TENM1: variants seen among roughly 807,000 people sequenced by gnomAD.
TENM1 encodes the protein teneurin transmembrane protein 1, also known as teneurin-1.
Under a neutral mutation model 174.8 loss-of-function variants are expected in TENM1, and 35 were observed. The ratio of observed to expected loss-of-function variants is 0.20; its 90% CI spans 0.15 to 0.27. The LOEUF (loss-of-function observed/expected upper bound fraction) is 0.27, where lower values mean the gene tolerates loss of function less well. TENM1 is among the 10% of genes least tolerant of loss of function. TENM1 has a pLI of 1.00. For missense variants in TENM1, 1,633 were observed against 2,130.1 expected (o/e 0.77, Z 4.59); for synonymous variants, 781 against 798.7 (o/e 0.98, Z 0.37).
intron 3 of TENM1, among the ~76,000 whole-genome samples, chrX:124,757,213 C>G (rs2054279121): frequency 8.9e-6 from 1 of 112,610 alleles, no homozygotes; most frequent in East Asian, 2.8e-4. Flanking sequence ...GCCCCTCCCC[C>G]AGCCTCGCTG....
At chrX:125,025,535 T>A in the TENM1 span, among the ~76,000 whole-genome samples, 3 of 111,364 alleles carry the variant, frequency 2.7e-5, no homozygotes, top group African/African-American at 9.8e-5. Flanking sequence ...GCATGCTGGG[T>A]TCTGAGTTCA....
chrX:124,966,206 T>C (rs931167513), upstream of TENM1, among the ~76,000 whole-genome samples: 3 of 111,614 alleles, frequency 2.7e-5, no homozygotes, highest in Admixed American at 9.5e-5. Flanking sequence ...CCTTCTTACA[T>C]TACTGCCCTC....
exon 22 of TENM1, chrX:124,481,914 G>A: frequency 8.3e-7 from 1 of 1,205,114 alleles, no homozygotes; most frequent in Non-Finnish European, 1.1e-6. Context: ...TAGATAGAGT[G>A]ATTCAGACAC....
At chrX:124,693,014 AAAAAAAAAAAG>A (rs1478745800) in intron 5 of TENM1, among the ~76,000 whole-genome samples, 10 of 106,543 alleles carry the variant, frequency 9.4e-5, no homozygotes, top group Admixed American at 3.1e-4. Context: ...ATCTCAAAAA[AAAAAAAAAAAG>A]AAAAAAAAAA....
chrX:124,384,786 T>C, exon 30 of TENM1: 1 of 1,211,222 alleles, frequency 8.3e-7, no homozygotes, highest in Non-Finnish European at 1.1e-6. Context: ...TTGTTGTAGC[T>C]GTAGTCGAAC....
chrX:125,191,726 A>G, the TENM1 span, among the ~76,000 whole-genome samples: 1 of 111,788 alleles, frequency 8.9e-6, no homozygotes, highest in Non-Finnish European at 1.9e-5. Flanking sequence ...TGGTGACATT[A>G]TTATGGTGGT....
chrX:124,594,575 A>G (rs2049843690), intron 11 of TENM1, among the ~76,000 whole-genome samples: 1 of 111,844 alleles, frequency 8.9e-6, no homozygotes, highest in Admixed American at 9.5e-5. Context: ...TTAAATAGAT[A>G]GATTTTAGCT....
chrX:124,680,559 CAA>C (rs2052209559), intron 5 of TENM1, among the ~76,000 whole-genome samples: 1 of 110,505 alleles, frequency 9.0e-6, no homozygotes, highest in Admixed American at 9.7e-5. Context: ...GGTTTCATCT[CAA>C]GTCACAGCAC....
rs775045504 is a variant in TENM1 at position 124,785,407 on chromosome X, C to G, written c.536-48210G>C. ...AGGAATCTAAGTATCTGATGCTGGG[C>G]CAGGCATATCCCATAATGGACTACT... On this transcript the variant is annotated intron_variant, in intron 3 of 31. Transcript: ENST00000422452. Among the ~76,000 whole-genome samples the G allele has an allele frequency of 3.1e-4, 35 of 111,525 alleles. No homozygotes were observed. The South Asian group carries it at 0.013, about 42-fold the overall frequency.
chrX:125,051,375 C>T, the TENM1 span, among the ~76,000 whole-genome samples: 7 of 109,183 alleles, frequency 6.4e-5, no homozygotes, highest in South Asian at 4.0e-4. Context: ...AAAAAGAGCC[C>T]GCATCGCCAA....
intron 15 of TENM1, among the ~76,000 whole-genome samples, chrX:124,542,895 C>T (rs763059306): frequency 8.9e-6 from 1 of 112,017 alleles, no homozygotes; most frequent in Non-Finnish European, 1.9e-5. Context: ...TCATCTTTTT[C>T]CTCTTTTTAA....
chrX:124,927,701 G>A (rs2058111703), intron 1 of TENM1, among the ~76,000 whole-genome samples: 1 of 111,335 alleles, frequency 9.0e-6, no homozygotes, highest in African/African-American at 3.3e-5. Context: ...ATCTAGGGTG[G>A]AGTCTGGGCA....
chrX:124,760,948 T>G (rs2054395860), intron 3 of TENM1, among the ~76,000 whole-genome samples: 2 of 112,050 alleles, frequency 1.8e-5, no homozygotes, highest in Admixed American at 1.9e-4. Flanking sequence ...GAAAAAATGC[T>G]CGTCATCACT....
At chrX:124,472,916 T>C (rs55751513) in intron 22 of TENM1, among the ~76,000 whole-genome samples, 1 of 111,934 alleles carries the variant, frequency 8.9e-6, no homozygotes, top group East Asian at 2.8e-4. Context: ...TGGACTAATA[T>C]GGAGCCATGA....
intron 9 of TENM1, 40 bp downstream of exon 12, chrX:124,646,669 C>G (rs1321086917): frequency 1.0e-6 from 1 of 974,668 alleles, no homozygotes. Flanking sequence ...GAAATCACAT[C>G]TATTTTCCTA....
intron 3 of TENM1, among the ~76,000 whole-genome samples, chrX:124,829,227 T>G (rs1448652402): frequency 8.9e-6 from 1 of 112,427 alleles, no homozygotes; most frequent in African/African-American, 3.2e-5. Flanking sequence ...GGGGCTTATT[T>G]CTTTCCCTCT....
the TENM1 span, among the ~76,000 whole-genome samples, chrX:125,194,936 G>A: frequency 9.0e-6 from 1 of 111,500 alleles, no homozygotes; most frequent in Non-Finnish European, 1.9e-5. Flanking sequence ...AGTTTCCAGA[G>A]CATTCTAATT....
intron 1 of TENM1, among the ~76,000 whole-genome samples, chrX:124,934,128 G>A: frequency 8.9e-6 from 1 of 111,797 alleles, no homozygotes; most frequent in Non-Finnish European, 1.9e-5. Flanking sequence ...GGTTAATTTT[G>A]TTTAACAATA....
chrX:124,908,861 A>ATTT (rs779878309), intron 1 of TENM1, among the ~76,000 whole-genome samples: 4 of 99,659 alleles, frequency 4.0e-5, no homozygotes, highest in African/African-American at 1.5e-4. Context: ...TATTATTCCA[A>ATTT]TTTTTTTTTT....
Sources: gnomAD v4.1 joint callset for allele counts (sites outside exome capture counted in the v4.1 genomes callset) on GRCh38, gnomAD v4.1.1 for gene constraint, MANE v1.5 for transcripts, NCBI Gene and HGNC (gene_info 2026-07-23, HGNC 2026-07-21) for gene names.